The following PDS5B variants were observed in gnomAD, a reference collection of about 807,000 sequenced individuals.
The protein encoded by PDS5B is sister chromatid cohesion protein PDS5 homolog B.
A neutral mutation model predicts 184.1 loss-of-function variants in PDS5B; 51 were observed. The observed-to-expected ratio is 0.28, with a 90% CI of 0.22 to 0.35. PDS5B has a LOEUF of 0.35. PDS5B is among the 10% of genes least tolerant of loss of function. The pLI, the probability that PDS5B is intolerant of heterozygous loss-of-function variation, is 1.00. For synonymous variants in PDS5B, 566 were observed against 569.2 expected, an observed-to-expected ratio of 0.99 and a Z score of 0.08; for missense variants, 1,180 against 1,723.3, an observed-to-expected ratio of 0.68 and a Z score of 5.58.
rs1306279664 is a variant in PDS5B at position 32,701,303 on chromosome 13, T to G, written c.1741-20T>G. On this transcript the variant is annotated intron_variant, in intron 16 of 34. Transcript: ENST00000315596. ...TTGTTTAAATGTACTTTTGTAATACTGAAATAATCTGTATTACAGCGTGAA... is the reference window on the plus strand; with the variant it reads ...TTGTTTAAATGTACTTTTGTAATACGGAAATAATCTGTATTACAGCGTGAA... The G allele has an allele frequency of 8.1e-7, 1 of 1,233,404 alleles. No homozygotes were observed. Among genetic ancestry groups the G allele is most frequent in the African/African-American group, 1.5e-5 (1 of 66,786 alleles). 76.4% of individuals were successfully genotyped at this position (1,233,404 alleles called of 1,614,324 possible). A position where few individuals can be genotyped will look rare whatever the true frequency, so the allele number is the denominator to read the frequency against.
intron 20 of PDS5B, among the ~76,000 whole-genome samples, chr13:32,734,801 C>G (rs144850935): frequency 6.6e-6 from 1 of 152,310 alleles, no homozygotes; most frequent in Non-Finnish European, 1.5e-5. Context: ...TAGAGTCATC[C>G]TTATGCCCAG....
Position 32,758,143 on chromosome 13 carries a change from C to A in PDS5B, c.3113C>A (p.Ala1038Asp), listed in dbSNP as rs1954254643. ...GCTAAAAATGAAAATAACAGTCACG[C>A]TTTTATCAGAAAGATGGTAGAAAAT... ...LMAKNENNSH[A>D]FIRKMVENIK... Residue 1038 changes from alanine to aspartate, a missense_variant, in exon 27 of 35, where the codon GCT becomes GAT. By Grantham distance (126) the Ala-to-Asp change is moderately radical. Transcript: ENST00000315596. 1 of 1,539,900 alleles carries A rather than the reference C, an allele frequency of 6.5e-7. No individual in the cohort carries two copies. Among genetic ancestry groups the A allele is most frequent in the Non-Finnish European group, 8.9e-7 (1 of 1,129,150 alleles).
At chr13:32,737,577 C>T (rs1953385158) in intron 21 of PDS5B, among the ~76,000 whole-genome samples, 2 of 152,310 alleles carry the variant, frequency 1.3e-5, no homozygotes, top group South Asian at 4.1e-4. Flanking sequence ...GCTTTGGTAG[C>T]TGTCTGTTGC....
rs766255216 is a variant in PDS5B, at chr13:32,735,158, C to T, written c.2248-14C>T. ...GTGTAGAGTTGAAATATATTTTCCT[C>T]CCCTCATTTTCAGCCTCTGCATAAG... is the stretch of plus-strand genomic sequence containing the variant. On this transcript the variant is annotated splice_polypyrimidine_tract_variant and intron_variant, in intron 20 of 34. Coordinates refer to ENST00000315596, the MANE Select transcript of PDS5B (RefSeq NM_015032.4). 7 of 1,511,806 alleles carry T rather than the reference C, an allele frequency of 4.6e-6. No individual in the cohort carries two copies. Among genetic ancestry groups the T allele is most frequent in the South Asian group, 1.4e-5 (1 of 70,206 alleles). 93.6% of individuals were successfully genotyped at this position (1,511,806 alleles called of 1,614,324 possible). A position where few individuals can be genotyped will look rare whatever the true frequency, so the allele number is the denominator to read the frequency against.
At chr13:32,604,052 T>C (rs750423215) in intron 1 of PDS5B, among the ~76,000 whole-genome samples, 18 of 152,230 alleles carry the variant, frequency 1.2e-4, no homozygotes, top group Non-Finnish European at 1.5e-4. Context: ...CTTTTCCTAA[T>C]TGAATACACT....
At chr13:32,751,193 A>C (rs1343788384) in intron 24 of PDS5B, among the ~76,000 whole-genome samples, 1 of 152,174 alleles carries the variant, frequency 6.6e-6, no homozygotes, top group Non-Finnish European at 1.5e-5. Flanking sequence ...ATATTGCTGC[A>C]AAAAGCACAT....
chr13:32,764,970 C>T (rs1954536942), intron 31 of PDS5B, among the ~76,000 whole-genome samples: 1 of 152,032 alleles, frequency 6.6e-6, no homozygotes, highest in African/African-American at 2.4e-5. Context: ...ACCCTTAAAA[C>T]TTCTTTCATT....
At chr13:32,746,883 C>A (rs907171180) in intron 24 of PDS5B, among the ~76,000 whole-genome samples, 14 of 152,164 alleles carry the variant, frequency 9.2e-5, no homozygotes, top group Non-Finnish European at 7.4e-5. Context: ...TTTGGTGTTA[C>A]AAATAAATTT....
chr13:32,695,098 T>C (rs1189213642), intron 14 of PDS5B, among the ~76,000 whole-genome samples: 1 of 151,870 alleles, frequency 6.6e-6, no homozygotes, highest in Non-Finnish European at 1.5e-5. Flanking sequence ...AATTCACCAA[T>C]TGCTCTACAA....
chr13:32,720,319 AATG>A (rs1952626088), intron 19 of PDS5B, among the ~76,000 whole-genome samples: 1 of 152,164 alleles, frequency 6.6e-6, no homozygotes, highest in African/African-American at 2.4e-5. Flanking sequence ...GGGAGTATAA[AATG>A]ATGCTATGCT....
chr13:32,653,399 C>T (rs1367073356), intron 3 of PDS5B, among the ~76,000 whole-genome samples: 1 of 152,072 alleles, frequency 6.6e-6, no homozygotes, highest in African/African-American at 2.4e-5. Context: ...ATTTATTTCA[C>T]TTAATAAGTC....
rs1373811512 is a variant in PDS5B at position 32,688,394 on chromosome 13, T to C, written c.1356-62T>C. The stretch of plus-strand genomic sequence containing the variant: ...ATGTTCTTTACATAGTTTTAGAATT[T>C]TATATACAACTTTAGAACATTAGAA... On this transcript the variant is annotated intron_variant, in intron 12 of 34. Transcript: ENST00000315596. 3 of 795,068 alleles carry C rather than the reference T, an allele frequency of 3.8e-6. No individual in the cohort carries two copies. In the Admixed American group the frequency reaches 7.4e-5, roughly 20 times the overall value. The allele number at this position is 795,068 out of a possible 1,614,324, so 49.3% of individuals were successfully genotyped here. A position where few individuals can be genotyped will look rare whatever the true frequency, so the allele number is the denominator to read the frequency against.
chr13:32,612,530 C>T (rs769000882), intron 1 of PDS5B, among the ~76,000 whole-genome samples: 1 of 152,210 alleles, frequency 6.6e-6, no homozygotes, highest in Non-Finnish European at 1.5e-5. Flanking sequence ...AAAAGAAACC[C>T]TGCACCTCTT....
At chr13:32,614,567 G>A (rs562713308) in intron 1 of PDS5B, among the ~76,000 whole-genome samples, 48 of 152,188 alleles carry the variant, frequency 3.2e-4, no homozygotes, top group African/African-American at 1.1e-3. Flanking sequence ...CAAAGTGCTG[G>A]GATTACAGGC....
intron 24 of PDS5B, among the ~76,000 whole-genome samples, chr13:32,751,969 C>T (rs1311669973): frequency 1.3e-5 from 2 of 151,962 alleles, no homozygotes; most frequent in Non-Finnish European, 2.9e-5. Context: ...GATGTTATGA[C>T]CAAGATTTTT....
At chr13:32,708,797 C>T (rs1365813725) in intron 18 of PDS5B, among the ~76,000 whole-genome samples, 2 of 151,502 alleles carry the variant, frequency 1.3e-5, no homozygotes, top group African/African-American at 4.9e-5. Context: ...TTTTTTTAAA[C>T]TGATTTAAAT....
chr13:32,760,444 T>G, intron 29 of PDS5B, 131 bp from the exon 30 acceptor site: 2 of 755,542 alleles, frequency 2.6e-6, no homozygotes, highest in Non-Finnish European at 4.3e-6. Flanking sequence ...CTTATTACTT[T>G]GCTTAAGGAT....
intron 1 of PDS5B, among the ~76,000 whole-genome samples, chr13:32,635,230 G>C: frequency 9.0e-6 from 1 of 110,820 alleles, no homozygotes; most frequent in Non-Finnish European, 1.7e-5. Context: ...AGATGGGGGG[G>C]TCTCACTGTA....
At chr13:32,687,431 T>C (rs1359151821) in intron 12 of PDS5B, 146 bp downstream of exon 12, 2 of 577,524 alleles carry the variant, frequency 3.5e-6, no homozygotes. Flanking sequence ...CTGGGCTCAT[T>C]CCCACCCAAG....
Sources: gnomAD v4.1 joint callset for allele counts (sites outside exome capture counted in the v4.1 genomes callset) on GRCh38, gnomAD v4.1.1 for gene constraint, MANE v1.5 for transcripts, NCBI Gene and HGNC (gene_info 2026-07-23, HGNC 2026-07-21) for gene names.